The following IL2RB variants were observed in gnomAD, a reference collection of about 807,000 sequenced individuals.
IL2RB encodes interleukin-2 receptor subunit beta.
IL2RB carries 17 observed loss-of-function variants against 44.2 expected under a neutral mutation model. That is an observed-to-expected ratio of 0.38 (90% CI 0.26 to 0.58). IL2RB has a LOEUF of 0.58. IL2RB is among the 20% of genes least tolerant of loss of function. IL2RB has a pLI of 0.63. For synonymous variants in IL2RB, 286 were observed against 297.9 expected, an observed-to-expected ratio of 0.96 and a Z score of 0.41; for missense variants, 624 against 685.5, an observed-to-expected ratio of 0.91 and a Z score of 1.00.
chr22:37,132,214 G>A (rs943308955), intron 9 of IL2RB, among the ~76,000 whole-genome samples, 170 bp downstream of exon 9: 1 of 152,170 alleles, frequency 6.6e-6, no homozygotes, highest in Non-Finnish European at 1.5e-5. Flanking sequence ...AGGCAGTCTG[G>A]CTCAGATGGA....
upstream of IL2RB, among the ~76,000 whole-genome samples, chr22:37,151,184 T>A (rs976765495): frequency 7.9e-5 from 12 of 152,190 alleles, no homozygotes; most frequent in African/African-American, 2.9e-4. Context: ...TAATTTACAT[T>A]CCCACCAACA....
At chr22:37,156,405 T>TA (rs1569051791) in intron 1 of IL2RB, among the ~76,000 whole-genome samples, 1 of 152,198 alleles carries the variant, frequency 6.6e-6, no homozygotes, top group Non-Finnish European at 1.5e-5. Context: ...ATTTCTCTCT[T>TA]ACATAAAAGA....
Position 37,144,190 on chromosome 22 carries a change from G to A in IL2RB, c.-18C>T. On this transcript the variant is annotated 5_prime_UTR_variant, in exon 2 of 10. Coordinates refer to ENST00000216223, the MANE Select transcript of IL2RB (RefSeq NM_000878.5). The stretch of plus-strand genomic sequence containing the variant: ...GCCGCCATTACATCCACAGGGTGGA[G>A]CCGAGGAAGGAAGCCCTGGTGGGAG... 6.5e-7 allele frequency: 1 copy of A among 1,548,778 alleles called. No homozygotes were observed. Among genetic ancestry groups the A allele is most frequent in the Non-Finnish European group, 8.7e-7 (1 of 1,145,588 alleles).
chr22:37,142,564 G>T, intron 3 of IL2RB, 52 bp from the exon 4 acceptor site: 1 of 1,553,000 alleles, frequency 6.4e-7, no homozygotes, highest in East Asian at 2.2e-5. Flanking sequence ...CCACACAGCT[G>T]GCCCAAGGGA....
chr22:37,135,630 G>T (rs1320054049), intron 7 of IL2RB, among the ~76,000 whole-genome samples, 188 bp from the exon 8 acceptor site: 1 of 152,158 alleles, frequency 6.6e-6, no homozygotes, highest in African/African-American at 2.4e-5. Flanking sequence ...GAAATGACAC[G>T]GTGGCATTCT....
intron 1 of IL2RB, among the ~76,000 whole-genome samples, chr22:37,157,470 G>A (rs976784422): frequency 3.3e-5 from 5 of 152,192 alleles, no homozygotes; most frequent in African/African-American, 4.8e-5. Flanking sequence ...CAGCACCAGC[G>A]CCCTGAGCAG....
intron 1 of IL2RB, chr22:37,166,868 G>C (rs1923100065): frequency 6.6e-6 from 1 of 152,120 alleles, no homozygotes; most frequent in Non-Finnish European, 1.5e-5. Flanking sequence ...CTGGCTTCTG[G>C]GAAGACAGCA....
upstream of IL2RB, among the ~76,000 whole-genome samples, chr22:37,152,684 C>G (rs186221739): frequency 3.7e-3 from 556 of 152,208 alleles, 5 homozygotes; most frequent in African/African-American, 0.012. Flanking sequence ...AGTCATGGTT[C>G]CTAACCCTTC....
chr22:37,166,641 A>G (rs1452557851), intron 1 of IL2RB: 2 of 152,180 alleles, frequency 1.3e-5, no homozygotes, highest in African/African-American at 2.4e-5. Flanking sequence ...CATCCCTTCA[A>G]GAATAATTGA....
At chr22:37,142,245 C>T (rs1239096575) in intron 4 of IL2RB, among the ~76,000 whole-genome samples, 189 bp downstream of exon 4, 2 of 152,214 alleles carry the variant, frequency 1.3e-5, no homozygotes, top group Non-Finnish European at 2.9e-5. Flanking sequence ...CTGGGGCAGG[C>T]CTGAGTCCAC....
chr22:37,135,753 C>G (rs907310237), intron 7 of IL2RB, among the ~76,000 whole-genome samples: 53 of 151,906 alleles, frequency 3.5e-4, no homozygotes, highest in African/African-American at 1.0e-3. Context: ...CTCTCCACCT[C>G]CCTCCAAGCA....
chr22:37,149,849 AGCGC>A lies in IL2RB; in HGVS notation c.-62_-59del, dbSNP rs1922400855. On this transcript the variant is annotated 5_prime_UTR_variant, in exon 1 of 10. Transcript: ENST00000216223. ...CCTGGCTGAGACATGGGGCGGTGGCAGCGCGCGCTCTCCAGTCCTCCCCGGTGCT... is the reference window on the plus strand; with the variant it reads ...CCTGGCTGAGACATGGGGCGGTGGCAGCGCTCTCCAGTCCTCCCCGGTGCT... The A allele has an allele frequency of 1.0e-6, 1 of 985,462 alleles. No homozygotes were observed. Among genetic ancestry groups the A allele is most frequent in the Non-Finnish European group, 1.2e-6 (1 of 830,152 alleles). The allele number at this position is 985,462 out of a possible 1,614,324, so 61.0% of individuals were successfully genotyped here.
intron 1 of IL2RB, among the ~76,000 whole-genome samples, chr22:37,172,460 A>G (rs1274352336): frequency 6.6e-6 from 1 of 152,056 alleles, no homozygotes; most frequent in Non-Finnish European, 1.5e-5. Context: ...GGAGCCGTCA[A>G]CCATCCAATA....
intron 7 of IL2RB, among the ~76,000 whole-genome samples, chr22:37,135,796 T>C (rs1173517967): frequency 6.6e-6 from 1 of 151,930 alleles, no homozygotes; most frequent in Admixed American, 6.6e-5. Flanking sequence ...TGCTTGGGCT[T>C]GAACTCGAAA....
intron 1 of IL2RB, among the ~76,000 whole-genome samples, chr22:37,146,362 C>T (rs1056245285): frequency 1.3e-5 from 2 of 152,122 alleles, no homozygotes; most frequent in African/African-American, 2.4e-5. Flanking sequence ...TTTCTGGGAC[C>T]GGAATGAGGT....
At chr22:37,167,162 TCTC>T (rs1923110952) in intron 1 of IL2RB, among the ~76,000 whole-genome samples, 1 of 152,006 alleles carries the variant, frequency 6.6e-6, no homozygotes, top group South Asian at 2.1e-4. Flanking sequence ...AGCACCTCCT[TCTC>T]CTGGCCCCCA....
intron 1 of IL2RB, among the ~76,000 whole-genome samples, chr22:37,171,171 CAG>C (rs1473476854): frequency 6.6e-6 from 1 of 152,166 alleles, no homozygotes; most frequent in African/African-American, 2.4e-5. Flanking sequence ...TTAGTAAAGA[CAG>C]GGTTTCACCA....
At chr22:37,166,798 T>C (rs1041539345) in intron 1 of IL2RB, 1 of 152,160 alleles carries the variant, frequency 6.6e-6, no homozygotes, top group Non-Finnish European at 1.5e-5. Context: ...GGACCGTGTC[T>C]GCTGCCTCCC....
At chr22:37,155,137 C>A (rs150440445) in intron 1 of IL2RB, among the ~76,000 whole-genome samples, 3 of 152,130 alleles carry the variant, frequency 2.0e-5, no homozygotes, top group African/African-American at 7.2e-5. Flanking sequence ...TGAGACAGTA[C>A]GCCAGCAGAA....
Sources: gnomAD v4.1 joint callset for allele counts (sites outside exome capture counted in the v4.1 genomes callset) on GRCh38, gnomAD v4.1.1 for gene constraint, MANE v1.5 for transcripts, NCBI Gene and HGNC (gene_info 2026-07-23, HGNC 2026-07-21) for gene names.